Variants in ZNF860 observed in about 807,000 individuals in gnomAD.
ZNF860 encodes the protein zinc finger protein 860.
For missense variants in ZNF860, 641 were observed against 759.2 expected, an observed-to-expected ratio of 0.84 and a Z score of 1.83; for synonymous variants, 206 against 248.9, an observed-to-expected ratio of 0.83 and a Z score of 1.62.
At chr3:32,005,222 C>T in the ZNF860 span, among the ~76,000 whole-genome samples, 1 of 152,128 alleles carries the variant, frequency 6.6e-6, no homozygotes, top group South Asian at 2.1e-4. Flanking sequence ...TGCTCTCCCT[C>T]CCCTTGCCCC....
Position 31,990,508 on chromosome 3 carries a change from A to G in ZNF860, c.1429A>G (p.Thr477Ala), listed in dbSNP as rs1699014302. Residue 477 changes from threonine to alanine, a missense_variant, in exon 2 of 2, where the codon ACT becomes GCT. Physicochemically the swap from Thr to Ala is moderately conservative, Grantham distance 58. Transcript: ENST00000360311. ...CCTTGTAATTCATAAGGCAATTCAT[A>G]CTGGAGAGAAACCTTACAAGTGTAA... ...SALVIHKAIH[T>A]GEKPYKCNEC... 6.2e-7 allele frequency: 1 copy of G among 1,606,762 alleles called. No homozygotes were observed. The highest frequency in any genetic ancestry group is 1.3e-5 in the African/African-American group (1 of 74,810).
At position 31,989,295 on chromosome 3, in the gene ZNF860, G is replaced by A. The variant is rs752054299; in HGVS notation, c.216G>A (p.Lys72=). ...ATATCTCTTCCAAATGCATGATGAAGAAGTTCTCATCAACAGCGCAAGGCA... is the reference window on the plus strand; with the variant it reads ...ATATCTCTTCCAAATGCATGATGAAAAAGTTCTCATCAACAGCGCAAGGCA... ...SVDISSKCMM[K]KFSSTAQGNT... The change falls in exon 2 of 2, where the codon AAG becomes AAA. Residue 72 remains lysine (K), a synonymous_variant. Coordinates refer to ENST00000360311, the MANE Select transcript of ZNF860 (RefSeq NM_001137674.3). 4.0e-5 allele frequency: 64 copies of A among 1,614,062 alleles called. No homozygotes were observed. The highest frequency in any genetic ancestry group is 5.1e-5 in the Non-Finnish European group (60 of 1,180,050).
intron 1 of ZNF860, among the ~76,000 whole-genome samples, chr3:31,984,655 T>C (rs1698908534): frequency 6.6e-6 from 1 of 152,206 alleles, no homozygotes; most frequent in Non-Finnish European, 1.5e-5. Context: ...CAGATTATCA[T>C]TTAACTATGC....
At chr3:31,993,270 C>A (rs1699054062), downstream of ZNF860, among the ~76,000 whole-genome samples, 1 of 151,336 alleles carries the variant, frequency 6.6e-6, no homozygotes, top group African/African-American at 2.4e-5. Flanking sequence ...AGTGCAATGG[C>A]ACGATCTCAG....
At chr3:31,995,074 A>G (rs1212328270), downstream of ZNF860, among the ~76,000 whole-genome samples, 1 of 152,210 alleles carries the variant, frequency 6.6e-6, no homozygotes, top group Admixed American at 6.5e-5. Context: ...AGTAAAGATC[A>G]TATGCATCTG....
Position 31,989,180 on chromosome 3 carries a change from C to T in ZNF860, c.101C>T (p.Ser34Phe). Reference protein sequence around the residue: ...LTFRDVAIEFSLEEWKCLDPT... With the variant: ...LTFRDVAIEFFLEEWKCLDPT... ...TTTAGGGATGTGGCTATAGAATTCTCTTTGGAGGAGTGGAAATGCCTGGAC... is the reference window on the plus strand; with the variant it reads ...TTTAGGGATGTGGCTATAGAATTCTTTTTGGAGGAGTGGAAATGCCTGGAC... Residue 34 changes from serine (S) to phenylalanine (F), a missense_variant, in exon 2 of 2, where the codon TCT becomes TTT. Physicochemically the swap from Ser to Phe is radical, Grantham distance 155 (BLOSUM62 -2). Transcript: ENST00000360311. 6.2e-7 allele frequency: 1 copy of T among 1,614,124 alleles called. No individual in the cohort carries two copies. Among genetic ancestry groups the T allele is most frequent in the Non-Finnish European group, 8.5e-7 (1 of 1,180,028 alleles).
chr3:31,988,849 C>T lies in ZNF860; in HGVS notation c.-231C>T. The T allele has an allele frequency of 1.7e-6, 1 of 583,160 alleles. No individual in the cohort carries two copies. The highest frequency in any genetic ancestry group is 2.9e-5 in the East Asian group (1 of 34,666). The allele number at this position is 583,160 out of a possible 1,614,324, so 36.1% of individuals were successfully genotyped here. On this transcript the variant is annotated 5_prime_UTR_variant, in exon 2 of 2. Transcript: ENST00000360311. ...CACCAGTCAAGCCTTGAGATGACTGCAGCCATGACCCACAGCTTGACTACA... is the reference window on the plus strand; with the variant it reads ...CACCAGTCAAGCCTTGAGATGACTGTAGCCATGACCCACAGCTTGACTACA...
downstream of ZNF860, among the ~76,000 whole-genome samples, chr3:31,994,807 T>A (rs1488945885): frequency 6.6e-6 from 1 of 152,154 alleles, no homozygotes; most frequent in East Asian, 1.9e-4. Context: ...AATACCCCAG[T>A]ATCAGGGGAA....
chr3:31,996,551 T>C (rs1024070936), downstream of ZNF860, among the ~76,000 whole-genome samples: 7 of 152,280 alleles, frequency 4.6e-5, no homozygotes, highest in Middle Eastern at 6.8e-3. Context: ...GATTTAAGAA[T>C]TGACTTTCCC....
Position 31,991,035 on chromosome 3 carries a change from C to G in ZNF860, c.*57C>G. On this transcript the variant is annotated 3_prime_UTR_variant, in exon 2 of 2. Transcript: ENST00000360311. ...ATTCCTGAGATAATTGTTCCAAATG[C>G]AATGAGTATAGCAAACCATCAAGCA... The G allele has an allele frequency of 6.8e-7, 1 of 1,467,978 alleles. No individual in the cohort carries two copies. Among genetic ancestry groups the G allele is most frequent in the Non-Finnish European group, 9.2e-7 (1 of 1,084,014 alleles). The allele number at this position is 1,467,978 out of a possible 1,614,324, so 90.9% of individuals were successfully genotyped here. A position where few individuals can be genotyped will look rare whatever the true frequency, so the allele number is the denominator to read the frequency against.
At chr3:31,991,915 T>TTGGG (rs1395169992), downstream of ZNF860, among the ~76,000 whole-genome samples, 1 of 151,416 alleles carries the variant, frequency 6.6e-6, no homozygotes, top group East Asian at 1.9e-4. Context: ...TCCCAGCACT[T>TTGGG]TGGGTGGATC....
chr3:32,005,844 C>T, the ZNF860 span, among the ~76,000 whole-genome samples: 9,737 of 152,248 alleles, frequency 0.064, 602 homozygotes, highest in East Asian at 0.32. Flanking sequence ...CCTCAGGACT[C>T]CCAAAGTGCT....
chr3:31,982,274 T>C (rs1346621156), intron 1 of ZNF860, among the ~76,000 whole-genome samples: 1 of 152,182 alleles, frequency 6.6e-6, no homozygotes, highest in Non-Finnish European at 1.5e-5. Flanking sequence ...CCCACTAATA[T>C]TTTTTGTGAA....
At chr3:32,000,892 A>C in the ZNF860 span, among the ~76,000 whole-genome samples, 1 of 152,180 alleles carries the variant, frequency 6.6e-6, no homozygotes, top group Non-Finnish European at 1.5e-5. Flanking sequence ...TTTCCAAACC[A>C]GAAAGCTTAG....
downstream of ZNF860, among the ~76,000 whole-genome samples, chr3:31,996,499 G>GC (rs1321586631): frequency 1.4e-5 from 1 of 73,544 alleles, no homozygotes; most frequent in African/African-American, 1.8e-4. Context: ...TAAATTGCCA[G>GC]GGGGAGAAGG....
downstream of ZNF860, among the ~76,000 whole-genome samples, chr3:31,995,515 A>C (rs1334649220): frequency 6.6e-6 from 1 of 152,076 alleles, no homozygotes; most frequent in African/African-American, 2.4e-5. Context: ...TGTTCCCTAA[A>C]ATCGCTGTTA....
chr3:31,991,090 G>T lies in ZNF860; in HGVS notation c.*112G>T. ...TTGACATTAGAGTCAATTCAGCATT[G>T]ACTTGAGTTTCAGTTGACTTGACAT... On this transcript the variant is annotated 3_prime_UTR_variant, in exon 2 of 2. Transcript: ENST00000360311. 9.4e-7 allele frequency: 1 copy of T among 1,062,724 alleles called. No homozygotes were observed. Among genetic ancestry groups the T allele is most frequent in the South Asian group, 1.6e-5 (1 of 60,914 alleles). The allele number at this position is 1,062,724 out of a possible 1,614,324, so 65.8% of individuals were successfully genotyped here.
the ZNF860 span, among the ~76,000 whole-genome samples, chr3:32,001,416 C>A: frequency 1.3e-5 from 2 of 152,228 alleles, no homozygotes; most frequent in East Asian, 3.9e-4. Flanking sequence ...GTACAATAAG[C>A]ATTTTACATC....
At chr3:32,000,811 C>T in the ZNF860 span, among the ~76,000 whole-genome samples, 1 of 152,168 alleles carries the variant, frequency 6.6e-6, no homozygotes, top group Non-Finnish European at 1.5e-5. Flanking sequence ...TCTTTGACTC[C>T]GGCCATGCGG....
Sources: gnomAD v4.1 joint callset for allele counts (sites outside exome capture counted in the v4.1 genomes callset) on GRCh38, gnomAD v4.1.1 for gene constraint, MANE v1.5 for transcripts, NCBI Gene and HGNC (gene_info 2026-07-23, HGNC 2026-07-21) for gene names.